WDR62: variants seen among roughly 807,000 people sequenced by gnomAD.
WDR62 encodes WD repeat domain 62.
WDR62 carries 112 observed loss-of-function variants against 160.6 expected under a neutral mutation model. The ratio of observed to expected loss-of-function variants is 0.70; its 90% confidence interval spans 0.60 to 0.82. WDR62 has a LOEUF of 0.82. WDR62 is among the 40% of genes least tolerant of loss of function. WDR62 has a pLI of 0.00. For synonymous variants in WDR62, 792 were observed against 815.1 expected (o/e 0.97, Z 0.48); for missense variants, 1,819 against 1,983.8 (o/e 0.92, Z 1.58).
Position 36,085,414 on chromosome 19 carries a change from C to CTTTTTTTTT in WDR62, c.1642+685_1642+693dup, listed in dbSNP as rs35753706. Among the ~76,000 whole-genome samples the CTTTTTTTTT allele has an allele frequency of 6.1e-4, 43 of 70,400 alleles. 7 individuals carry two copies. The highest frequency in any genetic ancestry group is 1.5e-3 in the East Asian group (2 of 1,292). 46.2% of individuals were successfully genotyped at this position (70,400 alleles called of 152,430 possible). ...TAGGGCATGAGCCACCACACCTGACCTTTTTTTTTTTTTTTTTTTTTTTGA... is the reference window on the plus strand; with the variant it reads ...TAGGGCATGAGCCACCACACCTGACCTTTTTTTTTTTTTTTTTTTTTTTTTTTTTTTTGA... On this transcript the variant is annotated intron_variant, in intron 12 of 31. Transcript: ENST00000401500.
chr19:36,095,716 C>T (rs1204528006), intron 20 of WDR62, among the ~76,000 whole-genome samples: 1 of 152,210 alleles, frequency 6.6e-6, no homozygotes, highest in Non-Finnish European at 1.5e-5. Flanking sequence ...ATTGCTTGAA[C>T]CTGGGAGACG....
At chr19:36,108,753 T>C (rs1973754725), downstream of WDR62, among the ~76,000 whole-genome samples, 2 of 151,410 alleles carry the variant, frequency 1.3e-5, no homozygotes, top group Admixed American at 6.6e-5. Flanking sequence ...ACTTGGGAGG[T>C]TGATGTGGGA....
At position 36,103,065 on chromosome 19, in the gene WDR62, C is replaced by T. The variant is rs747144038; in HGVS notation, c.3453C>T (p.Asp1151=). 6.2e-7 allele frequency: 1 copy of T among 1,614,090 alleles called. No individual in the cohort carries two copies. The highest frequency in any genetic ancestry group is 8.5e-7 in the Non-Finnish European group (1 of 1,180,046). The change falls in exon 28 of 32, where the codon GAC becomes GAT. Residue 1151 remains aspartate (D), a synonymous_variant. Transcript: ENST00000401500. The part of the protein sequence containing the change: ...PRAGTGYASP[D]RTHVLAAGKA... ...CAGGTACTGGCTACGCCTCCCCAGACAGGACCCACGTGAGTATTGGGCCCA... is the reference window on the plus strand; with the variant it reads ...CAGGTACTGGCTACGCCTCCCCAGATAGGACCCACGTGAGTATTGGGCCCA...
intron 9 of WDR62, chr19:36,075,391 T>C (rs896979221): frequency 3.3e-5 from 5 of 152,186 alleles, no homozygotes; most frequent in African/African-American, 1.2e-4. Flanking sequence ...ATTCTTCATG[T>C]TTCTGAAAAT....
intron 26 of WDR62, 109 bp downstream of exon 26, chr19:36,102,260 G>A: frequency 6.6e-7 from 1 of 1,511,104 alleles, no homozygotes. Flanking sequence ...TGAGTGGAGA[G>A]CAACTGCTTC....
intron 13 of WDR62, among the ~76,000 whole-genome samples, chr19:36,088,050 T>A (rs1203615444): frequency 6.6e-6 from 1 of 152,132 alleles, no homozygotes; most frequent in Non-Finnish European, 1.5e-5. Context: ...TTACCCTTCC[T>A]CCCTTATATG....
rs113046428 is a variant in WDR62 at position 36,101,233 on chromosome 19, G to A, written c.2887G>A (p.Val963Met). ...GTDSQYCRKE[V>M]EAGPGDQQGD... ...CTGCAGCCAGTATTGCAGGAAGGAG[G>A]TGGAGGCCGGGCCTGGAGACCAGCA... The change falls in exon 24 of 32, where the codon GTG becomes ATG. Residue 963 changes from valine (V) to methionine (M), a missense_variant. By Grantham distance (21) the Val-to-Met change is conservative. Transcript: ENST00000401500. 1.4e-5 allele frequency: 23 copies of A among 1,612,918 alleles called. No individual in the cohort carries two copies. The highest frequency in any genetic ancestry group is 1.9e-5 in the Non-Finnish European group (22 of 1,179,786).
At chr19:36,093,529 A>G (rs1471206944) in intron 19 of WDR62, among the ~76,000 whole-genome samples, 1 of 151,862 alleles carries the variant, frequency 6.6e-6, no homozygotes, top group Non-Finnish European at 1.5e-5. Flanking sequence ...CATTGGCTCC[A>G]TGTGGCTCCC....
chr19:36,058,418 C>T (rs1372088342), intron 1 of WDR62, among the ~76,000 whole-genome samples: 1 of 152,226 alleles, frequency 6.6e-6, no homozygotes, highest in African/African-American at 2.4e-5. Flanking sequence ...GCATTCGCCC[C>T]CTTCCCCTGT....
intron 13 of WDR62, among the ~76,000 whole-genome samples, chr19:36,088,324 A>G (rs1972379688): frequency 6.6e-6 from 1 of 152,196 alleles, no homozygotes; most frequent in Non-Finnish European, 1.5e-5. Context: ...AAGAAATGAG[A>G]ATAATAAAAG....
downstream of WDR62, among the ~76,000 whole-genome samples, chr19:36,108,000 G>A (rs939167136): frequency 2.6e-5 from 4 of 152,068 alleles, no homozygotes; most frequent in African/African-American, 7.2e-5. Context: ...GGAAACCACC[G>A]AGGCTGGTGC....
rs75600710 is a variant in WDR62, at chr19:36,076,251, C to A, written c.1233+2720C>A. ...CACACATCAGGAATCAACCATTTCT[C>A]GAAAAGACCATGTTTTTTTTTTTGG... On this transcript the variant is annotated intron_variant, in intron 9 of 31. Transcript: ENST00000401500. 9.8e-3 allele frequency among the ~76,000 whole-genome samples: 1,493 copies of A among 151,872 alleles called. 7 individuals carry two copies. The highest frequency in any genetic ancestry group is 0.017 in the Non-Finnish European group (1,139 of 67,960).
intron 13 of WDR62, among the ~76,000 whole-genome samples, chr19:36,087,733 A>C (rs776590976): frequency 8.5e-5 from 13 of 152,054 alleles, no homozygotes; most frequent in Non-Finnish European, 1.8e-4. Context: ...GCAGGAGAAT[A>C]GCTTGAATCC....
At chr19:36,083,342 A>T in intron 11 of WDR62, 101 bp downstream of exon 11, 4 of 1,201,728 alleles carry the variant, frequency 3.3e-6, no homozygotes, top group Non-Finnish European at 4.8e-6. Flanking sequence ...CCTGCTGCCC[A>T]TTGGGAATGA....
chr19:36,090,329 A>T, intron 15 of WDR62, 116 bp from the exon 16 acceptor site: 2 of 931,332 alleles, frequency 2.1e-6, no homozygotes, highest in Non-Finnish European at 3.5e-6. Context: ...TAGGCATCAG[A>T]TGGGGACAAG....
chr19:36,103,856 C>T lies in WDR62; in HGVS notation c.4028C>T (p.Ala1343Val). 6.2e-7 allele frequency: 1 copy of T among 1,603,538 alleles called. No homozygotes were observed. Among genetic ancestry groups the T allele is most frequent in the Non-Finnish European group, 8.5e-7 (1 of 1,179,846 alleles). Reference sequence around the variant, plus strand: ...AGCGCCCTGAGGCTCCACGGCTCTGCCTTTCGCCCAAGTCTCCCAGCTCCT... The same window carrying T: ...AGCGCCCTGAGGCTCCACGGCTCTGTCTTTCGCCCAAGTCTCCCAGCTCCT... The part of the protein sequence containing the change: ...EESALRLHGS[A>V]FRPSLPAPES... Residue 1343 changes from alanine to valine, a missense_variant, in exon 30 of 32, where the codon GCC becomes GTC. By Grantham distance (64) the Ala-to-Val change is moderately conservative. Around this residue, in one of 3 missense-constraint regions of WDR62, gnomAD observed 770 missense variants for 734.2 expected, o/e 1.05. Coordinates refer to ENST00000401500, the MANE Select transcript of WDR62 (RefSeq NM_001083961.2).
Position 36,103,415 on chromosome 19 carries a change from C to A in WDR62, c.3587C>A (p.Thr1196Lys). Residue 1196 changes from threonine (T) to lysine (K), a missense_variant, in exon 30 of 32, where the codon ACG becomes AAG. Thr to Lys is a moderately conservative substitution (Grantham distance 78, BLOSUM62 -1). Coordinates refer to ENST00000401500, the MANE Select transcript of WDR62 (RefSeq NM_001083961.2). ...SVLPTDRNLP[T>K]PTSAPTPGLA... ...CTGCCCACAGACAGGAATCTCCCAA[C>A]GCCCACATCTGCACCCACCCCAGGC... 1.9e-6 allele frequency: 3 copies of A among 1,614,146 alleles called. No homozygotes were observed. The highest frequency in any genetic ancestry group is 1.7e-6 in the Non-Finnish European group (2 of 1,180,016).
intron 2 of WDR62, 188 bp downstream of exon 2, chr19:36,059,059 T>A: frequency 1.4e-6 from 1 of 711,482 alleles, no homozygotes. Flanking sequence ...TCCTGGCATG[T>A]AGTGAGTGCA....
chr19:36,066,502 T>A (rs1970949568), intron 5 of WDR62, 75 bp downstream of exon 5: 1 of 1,512,916 alleles, frequency 6.6e-7, no homozygotes, highest in South Asian at 1.2e-5. Context: ...CAGGGAGAGC[T>A]ACATGAGAGG....
Sources: gnomAD v4.1 joint callset for allele counts (sites outside exome capture counted in the v4.1 genomes callset) on GRCh38, gnomAD v4.1.1 for gene constraint, gnomAD v4.1.1 regional missense constraint, MANE v1.5 for transcripts, NCBI Gene and HGNC (gene_info 2026-07-23, HGNC 2026-07-21) for gene names.